ARHGAP44: variants seen among roughly 807,000 people sequenced by gnomAD.
ARHGAP44 encodes Rho GTPase activating protein 44, also known as rho GTPase-activating protein 44.
A neutral mutation model predicts 106.8 loss-of-function variants in ARHGAP44; 43 were observed. The ratio of observed to expected loss-of-function variants is 0.40; its 90% CI spans 0.32 to 0.52. The LOEUF is 0.52. Ranked by LOEUF, ARHGAP44 falls within the 20% of genes least tolerant of loss-of-function variation. ARHGAP44 has a pLI of 0.48. For synonymous variants in ARHGAP44, 439 were observed against 410.3 expected (o/e 1.07, Z -0.85); for missense variants, 866 against 1,050.5 (o/e 0.82, Z 2.43).
At chr17:12,853,231 A>G (rs2035813639) in intron 1 of ARHGAP44, among the ~76,000 whole-genome samples, 1 of 152,216 alleles carries the variant, frequency 6.6e-6, no homozygotes, top group Non-Finnish European at 1.5e-5. Context: ...GAGGGCAGGA[A>G]GCCTCCAGCA....
rs560995523 is a variant in ARHGAP44 at position 12,830,730 on chromosome 17, GA to G, written c.53+40842del. ...TTCCAGCAGCTAAACAAAAACCGAAGAAATATGTTATTATTTTTTTTCCTTT... is the reference window on the plus strand; with the variant it reads ...TTCCAGCAGCTAAACAAAAACCGAAGAATATGTTATTATTTTTTTTCCTTT... On this transcript the variant is annotated intron_variant, in intron 1 of 20. Coordinates refer to ENST00000379672, the MANE Select transcript of ARHGAP44 (RefSeq NM_014859.6). 2.3e-4 allele frequency among the ~76,000 whole-genome samples: 35 copies of G among 149,016 alleles called. No homozygotes were observed. The East Asian group carries it at 5.0e-3, about 21-fold the overall frequency.
At chr17:12,900,060 G>T (rs750324760) in intron 3 of ARHGAP44, among the ~76,000 whole-genome samples, 6 of 152,302 alleles carry the variant, frequency 3.9e-5, no homozygotes, top group Non-Finnish European at 7.3e-5. Flanking sequence ...AGTAAAACTG[G>T]ATTCCTTATG....
chr17:12,966,316 T>C (rs1301419536), intron 16 of ARHGAP44, among the ~76,000 whole-genome samples: 1 of 152,118 alleles, frequency 6.6e-6, no homozygotes, highest in Non-Finnish European at 1.5e-5. Flanking sequence ...GTTGTCTACA[T>C]GGAGAGGGAT....
At chr17:12,901,209 C>T (rs865950038) in intron 3 of ARHGAP44, among the ~76,000 whole-genome samples, 2 of 152,010 alleles carry the variant, frequency 1.3e-5, no homozygotes, top group Non-Finnish European at 2.9e-5. Flanking sequence ...CAGGTGTGAG[C>T]CACCACACCC....
chr17:12,843,371 T>C (rs1430028154), intron 1 of ARHGAP44, among the ~76,000 whole-genome samples: 1 of 152,098 alleles, frequency 6.6e-6, no homozygotes, highest in Non-Finnish European at 1.5e-5. Context: ...ATAGGCCCTG[T>C]TGTCTGTTGA....
intron 1 of ARHGAP44, among the ~76,000 whole-genome samples, chr17:12,852,345 C>G (rs532489001): frequency 9.0e-6 from 1 of 110,874 alleles, no homozygotes; most frequent in East Asian, 3.5e-4. Context: ...CCAAAAAACT[C>G]TTCGTTTTCG....
At position 12,825,416 on chromosome 17, in the gene ARHGAP44, T is replaced by TTGTGTGTGTGTG. The variant is rs35243771; in HGVS notation, c.53+35538_53+35549dup. On this transcript the variant is annotated intron_variant, in intron 1 of 20. Coordinates refer to ENST00000379672, the MANE Select transcript of ARHGAP44 (RefSeq NM_014859.6). ...GAAACAGAACCAATAAGGAGTGTGT[T>TTGTGTGTGTGTG]TGTGTGTGTGTGTGTGTGTGTGTGC... Among the ~76,000 whole-genome samples, 686 of 148,182 alleles carry TTGTGTGTGTGTG rather than the reference T, an allele frequency of 4.6e-3. 20 individuals are homozygous for TTGTGTGTGTGTG. In the East Asian group the frequency reaches 0.067, roughly 14 times the overall value.
intron 6 of ARHGAP44, among the ~76,000 whole-genome samples, chr17:12,924,211 T>A (rs1319386700): frequency 6.6e-6 from 1 of 152,216 alleles, no homozygotes; most frequent in Admixed American, 6.5e-5. Flanking sequence ...TCCAATTAAT[T>A]TATCTCGTGT....
At chr17:12,860,702 A>G (rs562465096) in intron 1 of ARHGAP44, among the ~76,000 whole-genome samples, 1 of 152,230 alleles carries the variant, frequency 6.6e-6, no homozygotes, top group Non-Finnish European at 1.5e-5. Context: ...TCAAGGAGCT[A>G]TCCCTTCCCT....
At chr17:12,845,506 C>CAAAAAAAAA (rs748288660) in intron 1 of ARHGAP44, among the ~76,000 whole-genome samples, 13 of 67,904 alleles carry the variant, frequency 1.9e-4, no homozygotes, top group African/African-American at 6.1e-4. Context: ...GACTCCGTCT[C>CAAAAAAAAA]AAAAAAAAAA....
intron 1 of ARHGAP44, among the ~76,000 whole-genome samples, chr17:12,851,545 A>G (rs2150848537): frequency 6.6e-6 from 1 of 151,762 alleles, no homozygotes; most frequent in South Asian, 2.1e-4. Flanking sequence ...TCGGCTCACC[A>G]CAACCTCCGT....
intron 1 of ARHGAP44, among the ~76,000 whole-genome samples, chr17:12,865,571 C>T (rs530683620): frequency 1.2e-4 from 18 of 152,140 alleles, no homozygotes; most frequent in African/African-American, 3.6e-4. Context: ...GGGTGGATCA[C>T]GAGGTCAGGA....
intron 1 of ARHGAP44, among the ~76,000 whole-genome samples, chr17:12,819,975 T>A (rs2150794422): frequency 6.6e-6 from 1 of 152,244 alleles, no homozygotes. Flanking sequence ...ATTGAAGAAA[T>A]CATTGCCTAT....
At position 12,974,166 on chromosome 17, in the gene ARHGAP44, C is replaced by A; in HGVS notation, c.1619C>A (p.Pro540Gln). 6.4e-7 allele frequency: 1 copy of A among 1,553,726 alleles called. No individual in the cohort carries two copies. The highest frequency in any genetic ancestry group is 8.7e-7 in the Non-Finnish European group (1 of 1,149,174). ...GCCGGTCGGAAAGTGTCCTGCGCCC[C>A]GCCCTCCATGCAGCCTCCCGCCCCG... ...SSAGRKVSCA[P>Q]PSMQPPAPPA... Residue 540 changes from proline to glutamine, a missense_variant, in exon 18 of 21, where the codon CCG (proline) becomes CAG (glutamine). Coordinates refer to ENST00000379672, the MANE Select transcript of ARHGAP44 (RefSeq NM_014859.6).
chr17:12,953,143 G>A (rs1021621024), intron 13 of ARHGAP44, among the ~76,000 whole-genome samples: 7 of 152,244 alleles, frequency 4.6e-5, no homozygotes, highest in Non-Finnish European at 2.9e-5. Flanking sequence ...GTGTCCTTGA[G>A]CAAGTTCACA....
chr17:12,973,035 G>C, intron 16 of ARHGAP44: 1 of 405,956 alleles, frequency 2.5e-6, no homozygotes, highest in African/African-American at 2.1e-5. Flanking sequence ...TCTTCCTTCT[G>C]CCTCTTTCTT....
At chr17:12,989,959 T>C (rs2040079047) in intron 20 of ARHGAP44, 73 bp from the exon 21 acceptor site, 4 of 1,569,568 alleles carry the variant, frequency 2.5e-6, no homozygotes, top group South Asian at 1.2e-5. Flanking sequence ...AGGCTGACAT[T>C]ATTTGCCTAC....
At chr17:12,898,643 C>G (rs1434814164) in intron 3 of ARHGAP44, among the ~76,000 whole-genome samples, 3 of 152,208 alleles carry the variant, frequency 2.0e-5, no homozygotes, top group African/African-American at 7.2e-5. Context: ...CACATCTTCA[C>G]ATAACCATAT....
chr17:12,891,219 C>T (rs1022488714), intron 1 of ARHGAP44, among the ~76,000 whole-genome samples: 6 of 152,218 alleles, frequency 3.9e-5, no homozygotes, highest in African/African-American at 1.4e-4. Context: ...TCTCCACTAT[C>T]CAGTTCCAAA....
Sources: allele counts gnomAD v4.1 joint callset (sites outside exome capture counted in the v4.1 genomes callset), GRCh38; gene constraint gnomAD v4.1.1; transcripts MANE v1.5; gene names NCBI Gene and HGNC (gene_info 2026-07-23, HGNC 2026-07-21).